The following FARS2 variants were observed in gnomAD, a reference collection of about 807,000 sequenced individuals.
The protein encoded by FARS2 is phenylalanyl-tRNA synthetase 2, mitochondrial.
FARS2 carries 40 observed loss-of-function variants against 46.4 expected under a neutral mutation model. The ratio of observed to expected loss-of-function variants is 0.86; its 90% CI spans 0.67 to 1.12. The LOEUF (loss-of-function observed/expected upper bound fraction) is 1.12. FARS2 is among the 50% of genes most tolerant of loss of function. FARS2 has a pLI of 0.00. For missense variants in FARS2, 513 were observed against 567.9 expected, an observed-to-expected ratio of 0.90 and a Z score of 0.98; for synonymous variants, 234 against 214.9, an observed-to-expected ratio of 1.09 and a Z score of -0.78.
chr6:5,704,240 T>C (rs1758608715), intron 6 of FARS2, among the ~76,000 whole-genome samples: 1 of 152,214 alleles, frequency 6.6e-6, no homozygotes, highest in South Asian at 2.1e-4. Flanking sequence ...TCTTGGCTCA[T>C]AGATGGTTGT....
chr6:5,568,101 C>A (rs1461808348), intron 5 of FARS2, among the ~76,000 whole-genome samples: 1 of 152,212 alleles, frequency 6.6e-6, no homozygotes, highest in African/African-American at 2.4e-5. Flanking sequence ...AGCCCTCTCT[C>A]TGCTTCTGTC....
intron 1 of FARS2, among the ~76,000 whole-genome samples, chr6:5,263,016 G>A (rs1765299901): frequency 6.6e-6 from 1 of 152,176 alleles, no homozygotes; most frequent in Non-Finnish European, 1.5e-5. Context: ...ATGATATGCG[G>A]CACCTCAAAG....
chr6:5,473,555 A>AAC (rs1221879088), intron 4 of FARS2, among the ~76,000 whole-genome samples: 14 of 149,624 alleles, frequency 9.4e-5, no homozygotes, highest in South Asian at 2.1e-4. Context: ...CAAAAAAAAA[A>AAC]AACAAAAGAA....
chr6:5,546,862 C>G (rs116027200), intron 5 of FARS2, among the ~76,000 whole-genome samples: 3,758 of 151,990 alleles, frequency 0.025, 159 homozygotes, highest in African/African-American at 0.087. Context: ...CATTTATCTA[C>G]TGAAATGCTT....
At chr6:5,405,722 G>A (rs1761549850) in intron 3 of FARS2, among the ~76,000 whole-genome samples, 1 of 151,792 alleles carries the variant, frequency 6.6e-6, no homozygotes, top group Admixed American at 6.6e-5. Context: ...TCGATCTCCT[G>A]ACCTTGTGAT....
chr6:5,555,504 T>A (rs1014261420), intron 5 of FARS2, among the ~76,000 whole-genome samples: 1 of 152,154 alleles, frequency 6.6e-6, no homozygotes, highest in Non-Finnish European at 1.5e-5. Context: ...GAGCCTCTGA[T>A]TACTTGCTAA....
At position 5,566,803 on chromosome 6, in the gene FARS2, C is replaced by T. The variant is rs560921381; in HGVS notation, c.1065+21463C>T. Reference sequence around the variant, plus strand: ...GCCACACCAAGCATTTAAGATGTTCCGCTTTTGAACTTTACAAAAAGTCCC... The same window carrying T: ...GCCACACCAAGCATTTAAGATGTTCTGCTTTTGAACTTTACAAAAAGTCCC... On this transcript the variant is annotated intron_variant, in intron 5 of 6. Coordinates refer to ENST00000274680, the MANE Select transcript of FARS2 (RefSeq NM_006567.5). 5.3e-5 allele frequency among the ~76,000 whole-genome samples: 8 copies of T among 152,282 alleles called. No homozygotes were observed. The South Asian group carries it at 6.2e-4, about 12-fold the overall frequency.
chr6:5,303,265 T>C (rs1478602116), intron 1 of FARS2, among the ~76,000 whole-genome samples: 2 of 151,898 alleles, frequency 1.3e-5, no homozygotes, highest in Non-Finnish European at 2.9e-5. Context: ...GACACTAGGG[T>C]ATAAAGAGGT....
At chr6:5,299,545 A>G (rs2127530592) in intron 1 of FARS2, among the ~76,000 whole-genome samples, 1 of 152,326 alleles carries the variant, frequency 6.6e-6, no homozygotes, top group African/African-American at 2.4e-5. Context: ...TGGAGATGAC[A>G]CTTGGGGTTC....
intron 6 of FARS2, among the ~76,000 whole-genome samples, chr6:5,761,286 G>A (rs1014269914): frequency 7.9e-5 from 12 of 152,190 alleles, no homozygotes; most frequent in Non-Finnish European, 1.6e-4. Context: ...CAAGTGGATT[G>A]TAATATAGCC....
chr6:5,577,059 T>C (rs1773029361), intron 5 of FARS2, among the ~76,000 whole-genome samples: 1 of 140,054 alleles, frequency 7.1e-6, no homozygotes, highest in African/African-American at 2.6e-5. Context: ...TTCATGTATA[T>C]AAATTTTACC....
At chr6:5,276,168 T>C (rs1456325584) in intron 1 of FARS2, among the ~76,000 whole-genome samples, 1 of 152,224 alleles carries the variant, frequency 6.6e-6, no homozygotes, top group African/African-American at 2.4e-5. Flanking sequence ...ATTTTTTAGT[T>C]TCAGCATGCT....
Position 5,771,310 on chromosome 6 carries a change from T to C in FARS2, c.1237T>C (p.Cys413Arg). The stretch of plus-strand genomic sequence containing the variant: ...CTGTAGGACGCACAAGACCAGCCAC[T>C]GCTACCGCATCACGTACCGCCACAT... The part of the protein sequence containing the change: ...VHPKTHKTSH[C>R]YRITYRHMER... The change falls in exon 7 of 7, where the codon TGC becomes CGC. Residue 413 changes from cysteine to arginine, a missense_variant. Cys to Arg is a radical substitution (Grantham distance 180, BLOSUM62 -3). Coordinates refer to ENST00000274680, the MANE Select transcript of FARS2 (RefSeq NM_006567.5). The C allele has an allele frequency of 6.2e-7, 1 of 1,614,190 alleles. No individual in the cohort carries two copies. Among genetic ancestry groups the C allele is most frequent in the Non-Finnish European group, 8.5e-7 (1 of 1,180,016 alleles).
chr6:5,492,852 C>CTGT (rs1167224758), intron 4 of FARS2, among the ~76,000 whole-genome samples: 1 of 122,278 alleles, frequency 8.2e-6, no homozygotes, highest in Non-Finnish European at 1.8e-5. Context: ...GTGTATATAG[C>CTGT]CTTACACTCT....
intron 1 of FARS2, among the ~76,000 whole-genome samples, chr6:5,310,520 T>C (rs965662601): frequency 5.9e-5 from 9 of 151,916 alleles, no homozygotes; most frequent in Non-Finnish European, 1.2e-4. Flanking sequence ...AAAAAACTCA[T>C]AGAAATAAGT....
intron 2 of FARS2, among the ~76,000 whole-genome samples, chr6:5,391,721 G>A (rs186927516): frequency 2.0e-5 from 3 of 152,196 alleles, no homozygotes; most frequent in East Asian, 3.9e-4. Context: ...TCTTCTGTCC[G>A]TTTTCTTTTT....
intron 2 of FARS2, among the ~76,000 whole-genome samples, chr6:5,385,391 A>G (rs67325871): frequency 0.14 from 21,861 of 151,716 alleles, 1,909 homozygotes; most frequent in Middle Eastern, 0.19. Flanking sequence ...TTTGGGGGAG[A>G]TGAAGGCTTG....
At chr6:5,522,114 AATTCATTGAC>A (rs1253171230) in intron 4 of FARS2, among the ~76,000 whole-genome samples, 2 of 152,184 alleles carry the variant, frequency 1.3e-5, no homozygotes, top group African/African-American at 4.8e-5. Context: ...TAAGTGACTT[AATTCATTGAC>A]ACTTTATTTC....
At chr6:5,609,171 T>G (rs1389227549) in intron 5 of FARS2, 33 of 901,574 alleles carry the variant, frequency 3.7e-5, no homozygotes, top group Middle Eastern at 3.2e-4. Flanking sequence ...CGTTGTAACC[T>G]GTAGCTTCCC....
Sources: allele counts gnomAD v4.1 joint callset (sites outside exome capture counted in the v4.1 genomes callset), GRCh38; gene constraint gnomAD v4.1.1; transcripts MANE v1.5; gene names NCBI Gene and HGNC (gene_info 2026-07-23, HGNC 2026-07-21).